The following GPRIN1 variants were observed in gnomAD, a reference collection of about 807,000 sequenced individuals.
GPRIN1 encodes the protein G protein-regulated inducer of neurite outgrowth 1.
In GPRIN1, 4 loss-of-function variants were observed where a neutral mutation model predicts 2.8. That is an observed-to-expected ratio of 1.45 (90% CI 0.71 to 3.32). GPRIN1 has a LOEUF of 3.32. Among genes scored for constraint, GPRIN1 ranks in the 30% most tolerant of loss-of-function variants. The probability of loss-of-function intolerance (pLI) is 0.01; values close to 1 mark genes in which losing one functional copy is unlikely to be tolerated. For synonymous variants in GPRIN1, 589 were observed against 589.9 expected (o/e 1.00, Z 0.02); for missense variants, 1,322 against 1,343.4 (o/e 0.98, Z 0.25).
rs989719074 is a variant in GPRIN1, at chr5:176,602,979, A to G, written c.-43-3102T>C. Among the ~76,000 whole-genome samples, 1 of 152,226 alleles carries G rather than the reference A, an allele frequency of 6.6e-6. No individual in the cohort carries two copies. The highest frequency in any genetic ancestry group is 1.5e-5 in the Non-Finnish European group (1 of 68,036). ...GAATCCTATAAAACTTTTAGCAGTGACTGCCTCTCAGAAGGAAGAGCGGGG... is the reference window on the plus strand; with the variant it reads ...GAATCCTATAAAACTTTTAGCAGTGGCTGCCTCTCAGAAGGAAGAGCGGGG... On this transcript the variant is annotated intron_variant, in intron 1 of 1. Coordinates refer to ENST00000303991, the MANE Select transcript of GPRIN1 (RefSeq NM_052899.3). The surrounding 1 kb of genome is among the most constrained non-coding windows in gnomAD (Gnocchi z 4.4).
intron 1 of GPRIN1, among the ~76,000 whole-genome samples, chr5:176,605,633 T>C (rs561076296): frequency 6.6e-6 from 1 of 151,282 alleles, no homozygotes; most frequent in African/African-American, 2.4e-5. Context: ...CAAGATCCCG[T>C]CTCTACAAAA....
chr5:176,598,840 A>G lies in GPRIN1; in HGVS notation c.995T>C (p.Val332Ala), dbSNP rs1332430898. The G allele has an allele frequency of 1.2e-6, 2 of 1,613,474 alleles. No homozygotes were observed. The highest frequency in any genetic ancestry group is 1.3e-5 in the African/African-American group (1 of 74,770). Residue 332 changes from valine to alanine, a missense_variant, in exon 2 of 2, where the codon GTA becomes GCA. Physicochemically the swap from Val to Ala is moderately conservative, Grantham distance 64 (BLOSUM62 0). Coordinates refer to ENST00000303991, the MANE Select transcript of GPRIN1 (RefSeq NM_052899.3). ...IPGSSGKNGPVSSGTGAPGSL... is the reference protein window; with the variant it reads ...IPGSSGKNGPASSGTGAPGSL... ...CCCAGGAGCCCCGGTCCCAGAGGAT[A>G]CAGGCCCATTCTTGCCTGATGAGCC...
rs1259718289 is a variant in GPRIN1, at chr5:176,598,874, G to T, written c.961C>A (p.Leu321Met). Residue 321 changes from leucine to methionine, a missense_variant, in exon 2 of 2, where the codon CTG (leucine) becomes ATG (methionine). Around this residue, in one of 3 missense-constraint regions of GPRIN1, gnomAD observed 1,117 missense variants for 1,128.6 expected, o/e 0.99. Coordinates refer to ENST00000303991, the MANE Select transcript of GPRIN1 (RefSeq NM_052899.3). ...GKTEPGLLGK[L>M]IPGSSGKNGP... ...TTCTTGCCTGATGAGCCTGGAATCA[G>T]CTTGCCCAGGAGCCCCGGCTCTGTC... 1 of 1,614,022 alleles carries T rather than the reference G, an allele frequency of 6.2e-7. No homozygotes were observed. Among genetic ancestry groups the T allele is most frequent in the East Asian group, 2.2e-5 (1 of 44,874 alleles).
At chr5:176,606,684 T>C (rs1759224984) in intron 1 of GPRIN1, among the ~76,000 whole-genome samples, 1 of 152,174 alleles carries the variant, frequency 6.6e-6, no homozygotes, top group African/African-American at 2.4e-5. Flanking sequence ...CTGTCGTTTT[T>C]CTCACAGCCG....
chr5:176,609,303 C>A (rs1759273534), intron 1 of GPRIN1, among the ~76,000 whole-genome samples: 1 of 152,126 alleles, frequency 6.6e-6, no homozygotes, highest in Non-Finnish European at 1.5e-5. Flanking sequence ...GATGTCCATG[C>A]TGTGATCCGC....
Position 176,597,229 on chromosome 5 carries a change from C to T in GPRIN1, c.2606G>A (p.Arg869His), listed in dbSNP as rs1404322981. The T allele has an allele frequency of 2.4e-6, 3 of 1,256,680 alleles. No homozygotes were observed. Among genetic ancestry groups the T allele is most frequent in the Admixed American group, 4.2e-5 (1 of 23,770 alleles). 77.8% of individuals were successfully genotyped at this position (1,256,680 alleles called of 1,614,324 possible). A position where few individuals can be genotyped will look rare whatever the true frequency, so the allele number is the denominator to read the frequency against. The change falls in exon 2 of 2, where the codon CGC (arginine) becomes CAC (histidine). Residue 869 changes from arginine to histidine, a missense_variant. Around this residue, in one of 3 missense-constraint regions of GPRIN1, gnomAD observed 1,117 missense variants for 1,128.6 expected, o/e 0.99. Transcript: ENST00000303991. The surrounding 1 kb of genome is among the most constrained non-coding windows in gnomAD (Gnocchi z 6.1). The stretch of plus-strand genomic sequence containing the variant: ...TGTCATGGGCCCAGTGGCCACGGAG[C>T]GCGTCTCGGCGGCGCCCAGCGACAC... ...LQVSLGAAET[R>H]SVATGPMTPQ... is the part of the protein sequence containing the mutation.
rs1490416828 is a variant in GPRIN1, at chr5:176,598,033, A to G, written c.1802T>C (p.Ile601Thr). ...CAGAGAACCCACTTTTCCCTCTGGG[A>G]TAGCTTCTGCTTTTCCCAGGGACAC... is the stretch of plus-strand genomic sequence containing the variant. ...DPVSLGKAEAIPEGKVGSLPL... is the reference protein window; with the variant it reads ...DPVSLGKAEATPEGKVGSLPL... The change falls in exon 2 of 2, where the codon ATC (isoleucine) becomes ACC (threonine). Residue 601 changes from isoleucine (I) to threonine (T), a missense_variant. Ile to Thr is a moderately conservative substitution (Grantham distance 89). Around this residue, in one of 3 missense-constraint regions of GPRIN1, gnomAD observed 1,117 missense variants for 1,128.6 expected, o/e 0.99. Coordinates refer to ENST00000303991, the MANE Select transcript of GPRIN1 (RefSeq NM_052899.3). 1.2e-6 allele frequency: 2 copies of G among 1,613,650 alleles called. No individual in the cohort carries two copies. The highest frequency in any genetic ancestry group is 4.5e-5 in the East Asian group (2 of 44,856).
chr5:176,605,703 T>C (rs1169211162), intron 1 of GPRIN1, among the ~76,000 whole-genome samples: 1 of 151,890 alleles, frequency 6.6e-6, no homozygotes, highest in Non-Finnish European at 1.5e-5. Flanking sequence ...CATGTACTTA[T>C]AGTCCTGCCT....
In GPRIN1 at chr5:176,601,094, A is replaced by C. The variant is rs191028757; in HGVS notation, c.-43-1217T>G. On this transcript the variant is annotated intron_variant, in intron 1 of 1. Transcript: ENST00000303991. Reference sequence around the variant, plus strand: ...TTAATTAAAGGTTTAAAAAAAAAAAACCCAAACATTATGTGGGCCAAACAA... The same window carrying C: ...TTAATTAAAGGTTTAAAAAAAAAAACCCCAAACATTATGTGGGCCAAACAA... Among the ~76,000 whole-genome samples, 1,131 of 151,520 alleles carry C rather than the reference A, an allele frequency of 7.5e-3. 13 individuals are homozygous for C. The highest frequency in any genetic ancestry group is 0.012 in the Non-Finnish European group (820 of 67,874).
At position 176,598,647 on chromosome 5, in the gene GPRIN1, A is replaced by C; in HGVS notation, c.1188T>G (p.Ala396=). The stretch of plus-strand genomic sequence containing the variant: ...AAGATGTGAGATCTGTCTTTGCTGA[A>C]GCCGTAGTATCCGTGTGGCCAGACA... ...RPVSGHTDTT[A]SAKTDLTSLK... is the part of the protein sequence containing the mutation. Residue 396 remains alanine (A), a synonymous_variant, in exon 2 of 2, where the codon GCT becomes GCG. Coordinates refer to ENST00000303991, the MANE Select transcript of GPRIN1 (RefSeq NM_052899.3). The C allele has an allele frequency of 1.2e-6, 2 of 1,614,174 alleles. No homozygotes were observed. Among genetic ancestry groups the C allele is most frequent in the Non-Finnish European group, 1.7e-6 (2 of 1,180,028 alleles).
rs748838039 is a variant in GPRIN1, at chr5:176,597,969, C to T, written c.1866G>A (p.Ala622=). The T allele has an allele frequency of 3.1e-6, 5 of 1,613,918 alleles. No individual in the cohort carries two copies. The highest frequency in any genetic ancestry group is 2.7e-5 in the African/African-American group (2 of 74,912). ...GTGCTTTCCCCGAGGCCCTGGGATCCGCCTTTGTGGTGGTAACAGGACTCC... is the reference window on the plus strand; with the variant it reads ...GTGCTTTCCCCGAGGCCCTGGGATCTGCCTTTGTGGTGGTAACAGGACTCC... ...EKGSPVTTTK[A]DPRASGKAQP... is the part of the protein sequence containing the mutation. The change falls in exon 2 of 2, where the codon GCG becomes GCA. Residue 622 remains alanine, a synonymous_variant. Coordinates refer to ENST00000303991, the MANE Select transcript of GPRIN1 (RefSeq NM_052899.3). The surrounding 1 kb of genome is among the most constrained non-coding windows in gnomAD (Gnocchi z 6.1).
Position 176,596,753 on chromosome 5 carries a change from A to G in GPRIN1, c.*55T>C. 1 of 1,359,672 alleles carries G rather than the reference A, an allele frequency of 7.4e-7. No individual in the cohort carries two copies. The allele number at this position is 1,359,672 out of a possible 1,614,324, so 84.2% of individuals were successfully genotyped here. Reference sequence around the variant, plus strand: ...AGGGGACCCCTTCTAGGGGCCTGTGATCAAGAAGGGAGCCTGAGAAGGTCG... The same window carrying G: ...AGGGGACCCCTTCTAGGGGCCTGTGGTCAAGAAGGGAGCCTGAGAAGGTCG... On this transcript the variant is annotated 3_prime_UTR_variant, in exon 2 of 2. Coordinates refer to ENST00000303991, the MANE Select transcript of GPRIN1 (RefSeq NM_052899.3). This position sits in a 1 kb window ranked among gnomAD's most constrained non-coding sequence, Gnocchi z 5.2.
Position 176,596,752 on chromosome 5 carries a change from G to T in GPRIN1, c.*56C>A. 1 of 1,357,530 alleles carries T rather than the reference G, an allele frequency of 7.4e-7. No individual in the cohort carries two copies. Among genetic ancestry groups the T allele is most frequent in the South Asian group, 1.8e-5 (1 of 56,814 alleles). 84.1% of individuals were successfully genotyped at this position (1,357,530 alleles called of 1,614,324 possible). ...GAGGGGACCCCTTCTAGGGGCCTGT[G>T]ATCAAGAAGGGAGCCTGAGAAGGTC... On this transcript the variant is annotated 3_prime_UTR_variant, in exon 2 of 2. Transcript: ENST00000303991. This position sits in a 1 kb window ranked among gnomAD's most constrained non-coding sequence, Gnocchi z 5.2.
chr5:176,603,786 A>C (rs934971718), intron 1 of GPRIN1, among the ~76,000 whole-genome samples: 3 of 152,240 alleles, frequency 2.0e-5, no homozygotes, highest in Non-Finnish European at 4.4e-5. Flanking sequence ...GGCAGGCATC[A>C]GATTTGAGTG....
chr5:176,599,112 C>T lies in GPRIN1; in HGVS notation c.723G>A (p.Val241=), dbSNP rs576600756. The T allele has an allele frequency of 2.0e-5, 32 of 1,613,796 alleles. No homozygotes were observed. Among genetic ancestry groups the T allele is most frequent in the Non-Finnish European group, 2.5e-5 (30 of 1,179,890 alleles). Residue 241 remains valine, a synonymous_variant, in exon 2 of 2, where the codon GTG becomes GTA. Transcript: ENST00000303991. The part of the protein sequence containing the change: ...RKEDPGSLRK[V]DPVSSDKVDP... Reference sequence around the variant, plus strand: ...CCACTTTGTCTGAGGACACAGGATCCACCTTTCTCAAAGACCCAGGATCCT... The same window carrying T: ...CCACTTTGTCTGAGGACACAGGATCTACCTTTCTCAAAGACCCAGGATCCT...
In GPRIN1 at chr5:176,597,070, C is replaced by A; in HGVS notation, c.2765G>T (p.Trp922Leu). The A allele has an allele frequency of 6.6e-7, 1 of 1,512,602 alleles. No individual in the cohort carries two copies. The highest frequency in any genetic ancestry group is 1.2e-5 in the South Asian group (1 of 81,212). The allele number at this position is 1,512,602 out of a possible 1,614,324, so 93.7% of individuals were successfully genotyped here. ...DVSWDEKGMTWEVYGAAMEVE... is the reference protein window; with the variant it reads ...DVSWDEKGMTLEVYGAAMEVE... Reference sequence around the variant, plus strand: ...CTCCATGGCGGCGCCGTATACCTCCCACGTCATGCCCTTCTCGTCCCAGCT... The same window carrying A: ...CTCCATGGCGGCGCCGTATACCTCCAACGTCATGCCCTTCTCGTCCCAGCT... Residue 922 changes from tryptophan (W) to leucine (L), a missense_variant, in exon 2 of 2, where the codon TGG (tryptophan) becomes TTG (leucine). Trp to Leu is a moderately conservative substitution (Grantham distance 61, BLOSUM62 -2). Coordinates refer to ENST00000303991, the MANE Select transcript of GPRIN1 (RefSeq NM_052899.3). This position sits in a 1 kb window ranked among gnomAD's most constrained non-coding sequence, Gnocchi z 6.1.
intron 1 of GPRIN1, among the ~76,000 whole-genome samples, chr5:176,603,470 C>T (rs1759177082): frequency 6.6e-6 from 1 of 152,216 alleles, no homozygotes; most frequent in Admixed American, 6.5e-5. Flanking sequence ...TGGCCATTTA[C>T]ACCTCTGGGT....
rs938997862 is a variant in GPRIN1 at position 176,598,450 on chromosome 5, C to A, written c.1385G>T (p.Arg462Ile). Residue 462 changes from arginine to isoleucine, a missense_variant, in exon 2 of 2, where the codon AGA (arginine) becomes ATA (isoleucine). By Grantham distance (97) the Arg-to-Ile change is moderately conservative. This residue lies in a region of GPRIN1 where 1,117 missense variants were observed against 1,128.6 expected (regional missense o/e 0.99). Coordinates refer to ENST00000303991, the MANE Select transcript of GPRIN1 (RefSeq NM_052899.3). ...TCCAGCAGATATGGGGTCCTCCCTT[C>A]TGGAGGACACCGGGTCCTCTTTTCC... ...SPGKEDPVSS[R>I]REDPISAGSR... The A allele has an allele frequency of 2.7e-5, 44 of 1,613,512 alleles. No individual in the cohort carries two copies. The highest frequency in any genetic ancestry group is 3.1e-5 in the Non-Finnish European group (36 of 1,179,578).
At chr5:176,600,609 G>C (rs1581157758) in intron 1 of GPRIN1, among the ~76,000 whole-genome samples, 1 of 152,186 alleles carries the variant, frequency 6.6e-6, no homozygotes, top group South Asian at 2.1e-4. Flanking sequence ...AAATTAGAGA[G>C]CACATGCTCT....
Sources: allele counts gnomAD v4.1 joint callset (sites outside exome capture counted in the v4.1 genomes callset), GRCh38; gene constraint gnomAD v4.1.1; regional missense constraint gnomAD v4.1.1; non-coding constraint Gnocchi (gnomAD v3.1); transcripts MANE v1.5; gene names NCBI Gene and HGNC (gene_info 2026-07-23, HGNC 2026-07-21).